Variants in PSIP1 observed in about 807,000 individuals in gnomAD.
PSIP1 encodes PC4 and SRSF1 interacting protein 1, also known as PC4 and SFRS1-interacting protein.
Under a neutral mutation model 74.7 loss-of-function variants are expected in PSIP1, and 19 were observed. That is an observed-to-expected ratio of 0.25 (90% CI 0.18 to 0.37). The LOEUF is 0.37. Ranked by LOEUF, PSIP1 falls within the 10% of genes least tolerant of loss-of-function variation. PSIP1 has a pLI of 1.00. For synonymous variants in PSIP1, 222 were observed against 195.3 expected (o/e 1.14, Z -1.14); for missense variants, 601 against 614.3 (o/e 0.98, Z 0.23).
chr9:15,506,558 T>C lies in PSIP1; in HGVS notation c.149+3A>G, dbSNP rs2037596585. 6.3e-7 allele frequency: 1 copy of C among 1,598,400 alleles called. No individual in the cohort carries two copies. The highest frequency in any genetic ancestry group is 8.6e-7 in the Non-Finnish European group (1 of 1,166,072). On this transcript the variant is annotated splice_donor_region_variant and intron_variant, in intron 3 of 15. Coordinates refer to ENST00000380733, the MANE Select transcript of PSIP1 (RefSeq NM_033222.5). The stretch of plus-strand genomic sequence containing the variant: ...ATTTGCCTTTAAAGCTAACAGGACT[T>C]ACGTCTCATGAGTTCCAAAAAAGAA...
chr9:15,501,869 A>AC (rs2037365423), intron 3 of PSIP1, among the ~76,000 whole-genome samples: 1 of 147,794 alleles, frequency 6.8e-6, no homozygotes, highest in African/African-American at 2.5e-5. Flanking sequence ...ATATATATAA[A>AC]ACGCACACCC....
intron 15 of PSIP1, chr9:15,465,936 A>T (rs2035594003): frequency 1.6e-5 from 3 of 191,656 alleles, no homozygotes; most frequent in African/African-American, 7.0e-5. Flanking sequence ...TCTTAATAAA[A>T]AGAGAGGTTG....
At chr9:15,467,730 A>G (rs181118179) in intron 14 of PSIP1, among the ~76,000 whole-genome samples, 19 of 152,360 alleles carry the variant, frequency 1.2e-4, no homozygotes, top group East Asian at 9.6e-4. Flanking sequence ...ACTGTTAGTA[A>G]TAAGTACTAG....
chr9:15,467,286 T>A (rs2035680030), intron 14 of PSIP1, among the ~76,000 whole-genome samples: 1 of 152,214 alleles, frequency 6.6e-6, no homozygotes, highest in Non-Finnish European at 1.5e-5. Flanking sequence ...AAAGGAGTAT[T>A]TCCTAATTGA....
At chr9:15,496,562 T>A (rs1044489960) in intron 3 of PSIP1, among the ~76,000 whole-genome samples, 1 of 152,214 alleles carries the variant, frequency 6.6e-6, no homozygotes, top group African/African-American at 2.4e-5. Flanking sequence ...ACCTTTTCAC[T>A]ACAATTGTTT....
intron 14 of PSIP1, chr9:15,468,261 G>T: frequency 2.0e-6 from 1 of 488,852 alleles, no homozygotes; most frequent in Middle Eastern, 3.2e-4. Context: ...AATTTAAAAG[G>T]CTACTGTACG....
chr9:15,502,150 C>A (rs1357944982), intron 3 of PSIP1, among the ~76,000 whole-genome samples: 1 of 151,968 alleles, frequency 6.6e-6, no homozygotes, highest in East Asian at 1.9e-4. Context: ...CAAAACCATC[C>A]CCCCAAACCC....
At chr9:15,472,975 T>C (rs961652978) in intron 9 of PSIP1, among the ~76,000 whole-genome samples, 1 of 152,198 alleles carries the variant, frequency 6.6e-6, no homozygotes, top group Non-Finnish European at 1.5e-5. Flanking sequence ...ATAGGAGTGA[T>C]GTCCTTTGGA....
At chr9:15,505,962 A>G (rs980406198) in intron 3 of PSIP1, 1 of 152,238 alleles carries the variant, frequency 6.6e-6, no homozygotes, top group Non-Finnish European at 1.5e-5. Context: ...CCATTAAATT[A>G]TAGGTACATA....
rs369017307 is a variant in PSIP1 at position 15,491,163 on chromosome 9, C to T, written c.150-1039G>A. On this transcript the variant is annotated intron_variant, in intron 3 of 15. Coordinates refer to ENST00000380733, the MANE Select transcript of PSIP1 (RefSeq NM_033222.5). The stretch of plus-strand genomic sequence containing the variant: ...TTAACACTGAACTCATAGCCAACAG[C>T]GTATGTAACATGCGCTTTCTCTGTA... Among the ~76,000 whole-genome samples, 11 of 152,316 alleles carry T rather than the reference C, an allele frequency of 7.2e-5. No individual in the cohort carries two copies. In the East Asian group the frequency reaches 7.7e-4, roughly 11 times the overall value.
chr9:15,488,972 G>A (rs1381121198), intron 4 of PSIP1, among the ~76,000 whole-genome samples: 2 of 152,148 alleles, frequency 1.3e-5, no homozygotes, highest in Admixed American at 6.5e-5. Context: ...AGTGAGCCAA[G>A]ATAGAGCCAA....
At chr9:15,480,621 T>C (rs936428051) in intron 6 of PSIP1, among the ~76,000 whole-genome samples, 1 of 152,204 alleles carries the variant, frequency 6.6e-6, no homozygotes, top group Non-Finnish European at 1.5e-5. Context: ...CAATATAGAA[T>C]GTGCAAATCT....
At chr9:15,509,726 G>A (rs62571016) in intron 2 of PSIP1, among the ~76,000 whole-genome samples, 5,984 of 152,262 alleles carry the variant, frequency 0.039, 134 homozygotes, top group South Asian at 0.067. Flanking sequence ...GTGTTTGTGT[G>A]TAATCTGCAC....
At chr9:15,470,699 C>T (rs1430785165) in intron 10 of PSIP1, 1 of 935,198 alleles carries the variant, frequency 1.1e-6, no homozygotes, top group Non-Finnish European at 1.3e-6. Context: ...AACAAGTCTA[C>T]TACTGTTTAA....
intron 14 of PSIP1, among the ~76,000 whole-genome samples, chr9:15,467,849 G>A (rs770790917): frequency 5.3e-5 from 8 of 152,204 alleles, no homozygotes; most frequent in Non-Finnish European, 8.8e-5. Context: ...CACCAGGCGC[G>A]GTGGCTCATG....
At chr9:15,503,992 G>A (rs12683553) in intron 3 of PSIP1, among the ~76,000 whole-genome samples, 3,943 of 152,194 alleles carry the variant, frequency 0.026, 82 homozygotes, top group East Asian at 0.094. Flanking sequence ...TCATCCGCCC[G>A]CTTCAGCCTC....
At chr9:15,506,800 G>T (rs1356200594) in intron 2 of PSIP1, among the ~76,000 whole-genome samples, 163 bp from the exon 3 acceptor site, 4 of 152,202 alleles carry the variant, frequency 2.6e-5, no homozygotes, top group African/African-American at 9.7e-5. Flanking sequence ...AAGAAGCTCT[G>T]AAAACCAAAA....
At chr9:15,492,222 G>A (rs1056885169) in intron 3 of PSIP1, 29 of 152,256 alleles carry the variant, frequency 1.9e-4, no homozygotes, top group African/African-American at 7.0e-4. Context: ...TTCCACCTAG[G>A]AGCCTGTAAA....
At chr9:15,507,097 A>G (rs2037626439) in intron 2 of PSIP1, among the ~76,000 whole-genome samples, 1 of 152,222 alleles carries the variant, frequency 6.6e-6, no homozygotes, top group Non-Finnish European at 1.5e-5. Context: ...GACTAATGTA[A>G]AAGCAGACAT....
Sources: gnomAD v4.1 joint callset for allele counts (sites outside exome capture counted in the v4.1 genomes callset) on GRCh38, gnomAD v4.1.1 for gene constraint, MANE v1.5 for transcripts, NCBI Gene and HGNC (gene_info 2026-07-23, HGNC 2026-07-21) for gene names.